The following PUM2 variants were observed in gnomAD, a reference collection of about 807,000 sequenced individuals.
The protein encoded by PUM2 is pumilio RNA binding family member 2.
In PUM2, 57 loss-of-function variants were observed where a neutral mutation model predicts 124.5. That is an observed-to-expected ratio of 0.46 (90% CI 0.37 to 0.57). The LOEUF (loss-of-function observed/expected upper bound fraction) is 0.57, where lower values mean the gene tolerates loss of function less well. Among genes scored for constraint, PUM2 ranks in the 20% least tolerant of loss-of-function variants. PUM2 has a pLI of 0.00. For synonymous variants in PUM2, 460 were observed against 446.1 expected, an observed-to-expected ratio of 1.03 and a Z score of -0.39; for missense variants, 1,065 against 1,290.6, an observed-to-expected ratio of 0.83 and a Z score of 2.68.
intron 7 of PUM2, 80 bp from the exon 8 acceptor site, chr2:20,297,758 G>C: frequency 8.4e-7 from 1 of 1,187,968 alleles, no homozygotes. Context: ...TTTCTACTCT[G>C]AATCTGGGGT....
intron 1 of PUM2, among the ~76,000 whole-genome samples, chr2:20,342,084 G>A (rs1558686968): frequency 6.7e-6 from 1 of 149,018 alleles, no homozygotes; most frequent in Non-Finnish European, 1.5e-5. Context: ...AGCGGAGATT[G>A]CGCCACTACA....
At chr2:20,254,167 C>CT (rs149877577) in intron 19 of PUM2, among the ~76,000 whole-genome samples, 153 bp from the exon 20 acceptor site, 136 of 148,024 alleles carry the variant, frequency 9.2e-4, no homozygotes, top group Middle Eastern at 3.4e-3. Flanking sequence ...TTATTTTGTT[C>CT]TTTTTTTTTT....
At chr2:20,288,772 G>A (rs183677449) in intron 10 of PUM2, among the ~76,000 whole-genome samples, 2 of 152,208 alleles carry the variant, frequency 1.3e-5, no homozygotes, top group Admixed American at 6.5e-5. Context: ...GTAACTATTT[G>A]GATATGGAAA....
chr2:20,299,772 T>C (rs889213658), intron 7 of PUM2, among the ~76,000 whole-genome samples: 1 of 152,220 alleles, frequency 6.6e-6, no homozygotes, highest in African/African-American at 2.4e-5. Flanking sequence ...ACTGATTTCT[T>C]GTCTAGGCAC....
At chr2:20,321,341 G>A (rs551149941) in intron 2 of PUM2, among the ~76,000 whole-genome samples, 34 of 152,150 alleles carry the variant, frequency 2.2e-4, no homozygotes, top group Admixed American at 7.9e-4. Flanking sequence ...GCTGGGAAGC[G>A]GGGGGGAGGG....
At chr2:20,332,686 G>A (rs1298334930) in intron 1 of PUM2, among the ~76,000 whole-genome samples, 1 of 152,022 alleles carries the variant, frequency 6.6e-6, no homozygotes, top group Non-Finnish European at 1.5e-5. Context: ...TACAAATGCT[G>A]GTGTCATCTG....
Position 20,261,817 on chromosome 2 carries a change from G to C in PUM2, c.2226-1351C>G, listed in dbSNP as rs532137935. On this transcript the variant is annotated intron_variant, in intron 14 of 20. Transcript: ENST00000361078. ...AAATATTTTCGTACAGCTGTACAAT[G>C]TGTTTCTGTTCTAAGCTAAGTGTTA... Among the ~76,000 whole-genome samples, 5 of 152,210 alleles carry C rather than the reference G, an allele frequency of 3.3e-5. No homozygotes were observed. The East Asian group carries it at 9.6e-4, about 29-fold the overall frequency.
chr2:20,270,754 T>G (rs1235619783), intron 13 of PUM2, among the ~76,000 whole-genome samples: 1 of 152,126 alleles, frequency 6.6e-6, no homozygotes, highest in Non-Finnish European at 1.5e-5. Context: ...AATAATAAAT[T>G]CATCAATAAA....
At chr2:20,325,797 A>G (rs928929690) in intron 2 of PUM2, among the ~76,000 whole-genome samples, 1 of 151,920 alleles carries the variant, frequency 6.6e-6, no homozygotes, top group African/African-American at 2.4e-5. Flanking sequence ...AATTTTTTGT[A>G]TTTTTAGTAG....
At chr2:20,321,294 A>G (rs962370733) in intron 2 of PUM2, among the ~76,000 whole-genome samples, 3 of 152,168 alleles carry the variant, frequency 2.0e-5, no homozygotes, top group Non-Finnish European at 4.4e-5. Context: ...TCAAAAAAAG[A>G]AAAAAGAAAA....
chr2:20,282,561 C>G (rs1220466571), intron 12 of PUM2, among the ~76,000 whole-genome samples: 1 of 152,108 alleles, frequency 6.6e-6, no homozygotes, highest in Non-Finnish European at 1.5e-5. Flanking sequence ...AAGATAACTG[C>G]TTTAAAATAC....
chr2:20,262,454 C>CT (rs1666536555), intron 14 of PUM2, among the ~76,000 whole-genome samples: 1 of 152,198 alleles, frequency 6.6e-6, no homozygotes, highest in African/African-American at 2.4e-5. Flanking sequence ...GCGCAATATA[C>CT]AGAGTAGGTG....
intron 10 of PUM2, among the ~76,000 whole-genome samples, chr2:20,285,303 A>G (rs1672477043): frequency 6.6e-6 from 1 of 152,140 alleles, no homozygotes; most frequent in African/African-American, 2.4e-5. Context: ...CTTTTGTCCC[A>G]TGTCTGTAAC....
At position 20,294,489 on chromosome 2, in the gene PUM2, CG is replaced by C. The variant is rs1406324471; in HGVS notation, c.1038del (p.Tyr346Ter). ...GCTGGATACACCCCCCATGGAACGCCGTAATACTGAGGTGGAACCACTGCTG... is the reference window on the plus strand; with the variant it reads ...GCTGGATACACCCCCCATGGAACGCCTAATACTGAGGTGGAACCACTGCTG... ...AGPAVVPPQY[Y>X]GVPWGVYPAN... On this transcript the variant is annotated frameshift_variant, in exon 9 of 21. Coordinates refer to ENST00000361078, the MANE Select transcript of PUM2 (RefSeq NM_015317.5). LOFTEE classifies it high-confidence loss of function. The C allele has an allele frequency of 6.2e-7, 1 of 1,613,826 alleles. No individual in the cohort carries two copies. Among genetic ancestry groups the C allele is most frequent in the African/African-American group, 1.3e-5 (1 of 74,880 alleles).
chr2:20,269,475 A>G (rs1168964961), intron 13 of PUM2, among the ~76,000 whole-genome samples: 5 of 152,210 alleles, frequency 3.3e-5, no homozygotes, highest in Admixed American at 6.5e-5. Flanking sequence ...TGCTGGGATC[A>G]CATGCGTGAG....
At chr2:20,336,712 T>TGTGTGTGTGG (rs201731555) in intron 1 of PUM2, among the ~76,000 whole-genome samples, 1 of 133,858 alleles carries the variant, frequency 7.5e-6, no homozygotes, top group Non-Finnish European at 1.6e-5. Flanking sequence ...TGTGTGTGTG[T>TGTGTGTGTGG]TACAGACGGG....
At chr2:20,325,357 C>T (rs964824614) in intron 2 of PUM2, among the ~76,000 whole-genome samples, 1 of 152,162 alleles carries the variant, frequency 6.6e-6, no homozygotes, top group Non-Finnish European at 1.5e-5. Context: ...CTCTCCATAT[C>T]TGACATGTCC....
intron 1 of PUM2, among the ~76,000 whole-genome samples, chr2:20,332,604 C>A (rs2148938922): frequency 6.6e-6 from 1 of 152,246 alleles, no homozygotes; most frequent in Admixed American, 6.5e-5. Flanking sequence ...GATGGGGAGA[C>A]AGTTGCCCAT....
intron 1 of PUM2, among the ~76,000 whole-genome samples, chr2:20,337,823 A>C (rs894422148): frequency 6.6e-6 from 1 of 152,200 alleles, no homozygotes; most frequent in Non-Finnish European, 1.5e-5. Flanking sequence ...ATTTTTAATC[A>C]GCTAACCTTC....
Sources: allele counts gnomAD v4.1 joint callset (sites outside exome capture counted in the v4.1 genomes callset), GRCh38; gene constraint gnomAD v4.1.1; transcripts MANE v1.5; gene names NCBI Gene and HGNC (gene_info 2026-07-23, HGNC 2026-07-21).